Variants in DNAH9 observed in about 807,000 individuals in gnomAD.
DNAH9 encodes DNAH9 variant protein.
A neutral mutation model predicts 471.6 loss-of-function variants in DNAH9; 345 were observed. The observed-to-expected ratio is 0.73, with a 90% CI of 0.67 to 0.80. The LOEUF (loss-of-function observed/expected upper bound fraction) is 0.80, where lower values mean the gene tolerates loss of function less well. DNAH9 is among the 30% of genes least tolerant of loss of function. DNAH9 has a pLI of 0.00. For missense variants in DNAH9, 5,407 were observed against 5,609.2 expected, an observed-to-expected ratio of 0.96 and a Z score of 1.15; for synonymous variants, 2,093 against 2,123.6, an observed-to-expected ratio of 0.99 and a Z score of 0.40.
Position 11,929,919 on chromosome 17 carries a change from G to A in DNAH9, c.11931G>A (p.Glu3977=), listed in dbSNP as rs1367380050. ...WLSTLEKKLE[E]HSENSHPEFR... is the part of the protein sequence containing the mutation. ...GCACCCTGGAGAAGAAGCTGGAGGA[G>A]CACAGTGAGAACAGCCACCCAGAGT... Residue 3977 remains glutamate, a synonymous_variant, in exon 63 of 69, where the codon GAG becomes GAA. Coordinates refer to ENST00000262442, the MANE Select transcript of DNAH9 (RefSeq NM_001372.4). 1 of 1,613,938 alleles carries A rather than the reference G, an allele frequency of 6.2e-7. No individual in the cohort carries two copies. The highest frequency in any genetic ancestry group is 8.5e-7 in the Non-Finnish European group (1 of 1,180,000).
At chr17:11,862,381 C>G (rs1197062463) in intron 50 of DNAH9, among the ~76,000 whole-genome samples, 1 of 127,584 alleles carries the variant, frequency 7.8e-6, no homozygotes, top group East Asian at 2.1e-4. Context: ...TGATCTATAT[C>G]TCTGTTTTGG....
At chr17:11,847,433 G>A (rs1971264704) in intron 49 of DNAH9, among the ~76,000 whole-genome samples, 1 of 152,112 alleles carries the variant, frequency 6.6e-6, no homozygotes. Context: ...ATAATGGTTA[G>A]CCAGTTATCT....
At position 11,792,702 on chromosome 17, in the gene DNAH9, T is replaced by G. The variant is rs114512818; in HGVS notation, c.8062-801T>G. 9.2e-3 allele frequency among the ~76,000 whole-genome samples: 1,401 copies of G among 152,342 alleles called. 17 individuals carry two copies. The highest frequency in any genetic ancestry group is 0.032 in the African/African-American group (1,340 of 41,576). On this transcript the variant is annotated intron_variant, in intron 41 of 68. Transcript: ENST00000262442. Reference sequence around the variant, plus strand: ...ATCCCTTCTAGCCCTTTGTTATAGTTCTGATTTTACATAGTCAATTGTTAT... The same window carrying G: ...ATCCCTTCTAGCCCTTTGTTATAGTGCTGATTTTACATAGTCAATTGTTAT...
intron 1 of DNAH9, among the ~76,000 whole-genome samples, 190 bp downstream of exon 1, chr17:11,599,105 A>G (rs961286505): frequency 3.3e-5 from 5 of 151,942 alleles, no homozygotes; most frequent in Middle Eastern, 3.4e-3. Context: ...GAAGTCAGGA[A>G]GAAAATGGGA....
chr17:11,778,739 GCTCGTGC>G (rs1968559416), intron 38 of DNAH9, among the ~76,000 whole-genome samples: 1 of 152,136 alleles, frequency 6.6e-6, no homozygotes, highest in South Asian at 2.1e-4. Flanking sequence ...GGGCACAGTG[GCTCGTGC>G]CTGTAATCCC....
intron 14 of DNAH9, among the ~76,000 whole-genome samples, chr17:11,661,310 T>C (rs139880855): frequency 8.5e-5 from 13 of 152,238 alleles, no homozygotes; most frequent in African/African-American, 2.6e-4. Flanking sequence ...AACCTATTTG[T>C]TTCTTGGATT....
At position 11,770,471 on chromosome 17, in the gene DNAH9, G is replaced by T. The variant is rs1225073646; in HGVS notation, c.7552+1142G>T. On this transcript the variant is annotated intron_variant, in intron 38 of 68. Coordinates refer to ENST00000262442, the MANE Select transcript of DNAH9 (RefSeq NM_001372.4). Reference sequence around the variant, plus strand: ...GGGGGGAGCACCACCTCTGCTCTCTGCCCCTCAGAGCAGCTAGGTGCCTGG... The same window carrying T: ...GGGGGGAGCACCACCTCTGCTCTCTTCCCCTCAGAGCAGCTAGGTGCCTGG... Among the ~76,000 whole-genome samples, 3 of 152,068 alleles carry T rather than the reference G, an allele frequency of 2.0e-5. No individual in the cohort carries two copies. The East Asian group carries it at 5.8e-4, about 29-fold the overall frequency.
At chr17:11,820,408 TAA>T (rs796218207) in intron 45 of DNAH9, among the ~76,000 whole-genome samples, 2 of 147,068 alleles carry the variant, frequency 1.4e-5, no homozygotes, top group African/African-American at 5.1e-5. Flanking sequence ...GCCAATCTGA[TAA>T]AAAAAAAATA....
chr17:11,884,696 A>AGCC (rs1376913305), intron 56 of DNAH9: 1 of 390,664 alleles, frequency 2.6e-6, no homozygotes, highest in African/African-American at 2.1e-5. Context: ...AGGAAGAGTC[A>AGCC]GCCGAACATT....
intron 26 of DNAH9, among the ~76,000 whole-genome samples, chr17:11,715,063 T>C (rs1253048689): frequency 6.6e-6 from 1 of 152,214 alleles, no homozygotes; most frequent in Non-Finnish European, 1.5e-5. Flanking sequence ...TACACAGCAA[T>C]AGAAAATTAA....
chr17:11,881,499 T>A, intron 55 of DNAH9, 86 bp downstream of exon 55: 1 of 1,400,916 alleles, frequency 7.1e-7, no homozygotes, highest in Non-Finnish European at 9.6e-7. Context: ...GGGCTGTTTT[T>A]CCTGGATTGA....
intron 1 of DNAH9, among the ~76,000 whole-genome samples, chr17:11,606,790 A>G (rs975432458): frequency 6.6e-6 from 1 of 152,132 alleles, no homozygotes; most frequent in East Asian, 1.9e-4. Context: ...TAGGAGCTCA[A>G]ACAAAGTTAC....
intron 8 of DNAH9, 83 bp downstream of exon 8, chr17:11,632,786 C>A: frequency 1.5e-6 from 1 of 652,054 alleles, no homozygotes; most frequent in East Asian, 2.5e-5. Context: ...ACCTTTCCAC[C>A]TGTTCTGTTC....
intron 68 of DNAH9, among the ~76,000 whole-genome samples, chr17:11,968,437 A>C (rs758592520): frequency 6.6e-5 from 10 of 152,230 alleles, no homozygotes; most frequent in Non-Finnish European, 1.2e-4. Context: ...GAATCTGTGA[A>C]ACACTCTGAA....
intron 20 of DNAH9, 91 bp downstream of exon 20, chr17:11,690,527 T>C: frequency 8.2e-7 from 1 of 1,225,590 alleles, no homozygotes; most frequent in Non-Finnish European, 1.1e-6. Flanking sequence ...GGCTCTTTCC[T>C]TTTCTGCCTC....
At chr17:11,743,293 G>A (rs1050392760) in intron 30 of DNAH9, among the ~76,000 whole-genome samples, 2 of 152,092 alleles carry the variant, frequency 1.3e-5, no homozygotes, top group Admixed American at 6.5e-5. Context: ...ATGATTCTAT[G>A]TTCTGGATAT....
rs370287869 is a variant in DNAH9 at position 11,810,377 on chromosome 17, A to T, written c.8707+8A>T. ...ATGATCTTTTGGCATCTGGTAAGAG[A>T]TTCCTTGCACTTGGTGTCACTGATA... On this transcript the variant is annotated splice_region_variant and intron_variant, in intron 45 of 68. Coordinates refer to ENST00000262442, the MANE Select transcript of DNAH9 (RefSeq NM_001372.4). The T allele has an allele frequency of 1.9e-6, 3 of 1,609,356 alleles. No homozygotes were observed. Among genetic ancestry groups the T allele is most frequent in the Non-Finnish European group, 1.7e-6 (2 of 1,178,434 alleles).
At chr17:11,936,479 T>TA (rs1974717786) in intron 65 of DNAH9, among the ~76,000 whole-genome samples, 1 of 151,930 alleles carries the variant, frequency 6.6e-6, no homozygotes, top group Non-Finnish European at 1.5e-5. Flanking sequence ...AAAATAGAAA[T>TA]AAAAAATCGG....
Position 11,640,320 on chromosome 17 carries a change from T to G in DNAH9, c.1837T>G (p.Trp613Gly). The change falls in exon 10 of 69, where the codon TGG (tryptophan) becomes GGG (glycine). Residue 613 changes from tryptophan (W) to glycine (G), a missense_variant. By Grantham distance (184) the Trp-to-Gly change is radical. Transcript: ENST00000262442. ...GCCCACCGTGGCTGGCGGCCTCCGC[T>G]GGGCACAGGAGCTGAGGCAGCGCAT... The part of the protein sequence containing the change: ...NMPTVAGGLR[W>G]AQELRQRIQG... 6.2e-7 allele frequency: 1 copy of G among 1,614,070 alleles called. No individual in the cohort carries two copies.
Sources: allele counts gnomAD v4.1 joint callset (sites outside exome capture counted in the v4.1 genomes callset), GRCh38; gene constraint gnomAD v4.1.1; transcripts MANE v1.5; gene names NCBI Gene and HGNC (gene_info 2026-07-23, HGNC 2026-07-21).